The following ERBIN variants were observed in gnomAD, a reference collection of about 807,000 sequenced individuals.
ERBIN encodes the protein densin-180-like protein.
In ERBIN, 60 loss-of-function variants were observed where a neutral mutation model predicts 158.4. The observed-to-expected ratio is 0.38, with a 90% CI of 0.31 to 0.47. The LOEUF (loss-of-function observed/expected upper bound fraction) is 0.47. Among genes scored for constraint, ERBIN ranks in the 20% least tolerant of loss-of-function variants. ERBIN has a pLI of 0.99. For synonymous variants in ERBIN, 594 were observed against 557.2 expected (o/e 1.07, Z -0.93); for missense variants, 1,610 against 1,648.0 (o/e 0.98, Z 0.40).
chr5:65,968,015 A>G (rs1561308591), intron 1 of ERBIN, among the ~76,000 whole-genome samples: 1 of 152,252 alleles, frequency 6.6e-6, no homozygotes, highest in Non-Finnish European at 1.5e-5. Flanking sequence ...TAGCCTTTTT[A>G]TCCTAGCCTT....
chr5:65,999,195 T>A (rs759711413), intron 4 of ERBIN, among the ~76,000 whole-genome samples: 1 of 151,314 alleles, frequency 6.6e-6, no homozygotes, highest in Non-Finnish European at 1.5e-5. Context: ...GTGGACCCCG[T>A]CTCTACTAAA....
chr5:65,992,068 C>G (rs2151046569), intron 2 of ERBIN, among the ~76,000 whole-genome samples: 1 of 152,270 alleles, frequency 6.6e-6, no homozygotes, highest in Non-Finnish European at 1.5e-5. Context: ...AGAACTCTTA[C>G]TCAGAAATTA....
chr5:65,941,973 C>T (rs994079219), intron 1 of ERBIN, among the ~76,000 whole-genome samples: 1 of 152,168 alleles, frequency 6.6e-6, no homozygotes, highest in African/African-American at 2.4e-5. Context: ...ATCTCCTGAC[C>T]TCGTGATGCG....
chr5:66,004,408 GTA>G (rs1249609532), intron 4 of ERBIN, among the ~76,000 whole-genome samples: 3 of 152,146 alleles, frequency 2.0e-5, no homozygotes, highest in African/African-American at 2.4e-5. Context: ...GTGCGTGTGT[GTA>G]TGTGTGAGTT....
intron 14 of ERBIN, among the ~76,000 whole-genome samples, chr5:66,032,493 A>C (rs1271900395): frequency 2.0e-5 from 3 of 152,226 alleles, no homozygotes; most frequent in Non-Finnish European, 4.4e-5. Flanking sequence ...ACATTTGTTC[A>C]TTCTAGTCAT....
intron 4 of ERBIN, among the ~76,000 whole-genome samples, chr5:65,996,308 G>A (rs763755433): frequency 6.4e-5 from 8 of 124,612 alleles, no homozygotes; most frequent in Non-Finnish European, 1.0e-4. Context: ...TCCATTTTGA[G>A]TTGATTTTTT....
chr5:65,936,412 C>T (rs1744087338), intron 1 of ERBIN, among the ~76,000 whole-genome samples: 1 of 152,142 alleles, frequency 6.6e-6, no homozygotes, highest in South Asian at 2.1e-4. Flanking sequence ...CTATTAATCC[C>T]TGGGGACTTC....
At chr5:66,066,171 T>C (rs1760974870) in intron 21 of ERBIN, among the ~76,000 whole-genome samples, 1 of 152,138 alleles carries the variant, frequency 6.6e-6, no homozygotes, top group African/African-American at 2.4e-5. Flanking sequence ...GTAATCAGAA[T>C]GTATGGGCGT....
chr5:65,999,350 G>T (rs1023691107), intron 4 of ERBIN, among the ~76,000 whole-genome samples: 3 of 152,136 alleles, frequency 2.0e-5, no homozygotes, highest in African/African-American at 7.2e-5. Flanking sequence ...ACAAGAATGA[G>T]ACTCCATCTC....
At chr5:65,936,513 A>T (rs1355631478) in intron 1 of ERBIN, among the ~76,000 whole-genome samples, 1 of 152,172 alleles carries the variant, frequency 6.6e-6, no homozygotes, top group Non-Finnish European at 1.5e-5. Flanking sequence ...GATACCTGGT[A>T]TCAACAGAGG....
rs534838986 is a variant in ERBIN at position 66,078,568 on chromosome 5, T to G, written c.*38T>G. On this transcript the variant is annotated 3_prime_UTR_variant, in exon 26 of 26. Transcript: ENST00000284037. ...AAAAAAGCGGGGAAGACAGCAAGATTTATTGGAAGATACTTACAGGGGAAA... is the reference window on the plus strand; with the variant it reads ...AAAAAAGCGGGGAAGACAGCAAGATGTATTGGAAGATACTTACAGGGGAAA... 1.3e-4 allele frequency: 161 copies of G among 1,204,504 alleles called. 1 individual carries two copies. In the South Asian group the frequency reaches 1.9e-3, roughly 14 times the overall value. 74.6% of individuals were successfully genotyped at this position (1,204,504 alleles called of 1,614,324 possible). A position where few individuals can be genotyped will look rare whatever the true frequency, so the allele number is the denominator to read the frequency against.
chr5:66,066,391 TC>T (rs1365454885), intron 21 of ERBIN, among the ~76,000 whole-genome samples: 1 of 152,042 alleles, frequency 6.6e-6, no homozygotes, highest in Non-Finnish European at 1.5e-5. Flanking sequence ...CTGCCCTACC[TC>T]ATGAGGTCAG....
intron 21 of ERBIN, among the ~76,000 whole-genome samples, chr5:66,060,533 A>G (rs552376041): frequency 5.9e-5 from 9 of 151,938 alleles, no homozygotes; most frequent in Admixed American, 1.3e-4. Flanking sequence ...TTGTGTCTCT[A>G]TCTCCTTCAG....
chr5:65,964,910 G>GTGTGTA (rs1748373092), intron 1 of ERBIN, among the ~76,000 whole-genome samples: 1 of 8,646 alleles, frequency 1.2e-4, no homozygotes, highest in African/African-American at 2.0e-4. Context: ...TGGCTGATTT[G>GTGTGTA]TGTGTGTGTG....
intron 4 of ERBIN, among the ~76,000 whole-genome samples, chr5:66,000,597 G>A (rs753897670): frequency 6.6e-6 from 1 of 152,126 alleles, no homozygotes; most frequent in African/African-American, 2.4e-5. Flanking sequence ...GAGGAATGAC[G>A]TTACTTATTG....
intron 2 of ERBIN, 47 bp from the exon 3 acceptor site, chr5:65,992,663 C>G: frequency 7.4e-7 from 1 of 1,352,994 alleles, no homozygotes; most frequent in Non-Finnish European, 1.0e-6. Flanking sequence ...TCTGAAAAAC[C>G]GTTGTAATAT....
chr5:65,961,619 G>T (rs1580168743), intron 1 of ERBIN, among the ~76,000 whole-genome samples: 1 of 152,142 alleles, frequency 6.6e-6, no homozygotes, highest in East Asian at 1.9e-4. Flanking sequence ...CTGTTTTTGA[G>T]GGGGTTGGGA....
In ERBIN at chr5:66,025,878, T is replaced by C; in HGVS notation, c.921T>C (p.Ser307=). The C allele has an allele frequency of 6.4e-7, 1 of 1,563,464 alleles. No individual in the cohort carries two copies. Among genetic ancestry groups the C allele is most frequent in the Non-Finnish European group, 8.7e-7 (1 of 1,150,246 alleles). ...TATCAGTAGAAGAACTGGATTGTAG[T>C]TTCAATGAAGTTGAAGCTTTGCCTT... The part of the protein sequence containing the change: ...GLISVEELDC[S]FNEVEALPSS... Residue 307 remains serine, a synonymous_variant, in exon 12 of 26, where the codon AGT becomes AGC. Coordinates refer to ENST00000284037, the MANE Select transcript of ERBIN (RefSeq NM_001253697.2).
In ERBIN at chr5:65,994,821, T is replaced by C; in HGVS notation, c.264T>C (p.Ile88=). Residue 88 remains isoleucine (I), a synonymous_variant, in exon 4 of 26, where the codon ATT becomes ATC. Transcript: ENST00000284037. The stretch of plus-strand genomic sequence containing the variant: ...ATTTAACAACGTTACCAGCATCCAT[T>C]GCAAACCTTATTAATCTCAGGGAAC... ...DNDLTTLPAS[I]ANLINLRELD... 6.2e-7 allele frequency: 1 copy of C among 1,609,076 alleles called. No individual in the cohort carries two copies. Among genetic ancestry groups the C allele is most frequent in the Non-Finnish European group, 8.5e-7 (1 of 1,178,556 alleles).
Sources: allele counts gnomAD v4.1 joint callset (sites outside exome capture counted in the v4.1 genomes callset), GRCh38; gene constraint gnomAD v4.1.1; transcripts MANE v1.5; gene names NCBI Gene and HGNC (gene_info 2026-07-23, HGNC 2026-07-21).